FGF1: variants seen among roughly 807,000 people sequenced by gnomAD.
The protein encoded by FGF1 is fibroblast growth factor 1, also known as beta-endothelial cell growth factor.
A neutral mutation model predicts 13.4 loss-of-function variants in FGF1; 9 were observed. The observed-to-expected ratio is 0.67, with a 90% CI of 0.40 to 1.17. The LOEUF is 1.17. FGF1 is among the 50% of genes most tolerant of loss of function. FGF1 has a pLI of 0.01. For synonymous variants in FGF1, 93 were observed against 79.0 expected, an observed-to-expected ratio of 1.18 and a Z score of -0.94; for missense variants, 156 against 192.7, an observed-to-expected ratio of 0.81 and a Z score of 1.13.
intron 1 of FGF1, among the ~76,000 whole-genome samples, chr5:142,663,779 G>A (rs11747068): frequency 0.2 from 30,198 of 152,092 alleles, 3,179 homozygotes; most frequent in African/African-American, 0.26. Context: ...AAAACCATTA[G>A]CGATTTGATG....
At chr5:142,692,685 G>GCA (rs34754711) in intron 2 of FGF1, among the ~76,000 whole-genome samples, 7,019 of 145,172 alleles carry the variant, frequency 0.048, 229 homozygotes, top group South Asian at 0.1. Flanking sequence ...ACGCACACAC[G>GCA]CACACACACA....
intron 1 of FGF1, among the ~76,000 whole-genome samples, chr5:142,625,215 A>G (rs1762255089): frequency 6.6e-6 from 1 of 152,058 alleles, no homozygotes; most frequent in South Asian, 2.1e-4. Flanking sequence ...TGTAACTGGC[A>G]GGAAGTGGGG....
At chr5:142,629,455 C>T (rs369240237) in intron 1 of FGF1, among the ~76,000 whole-genome samples, 28 of 152,306 alleles carry the variant, frequency 1.8e-4, no homozygotes, top group African/African-American at 4.8e-4. Context: ...TGAGCCACTG[C>T]GCTGGGCTGC....
At chr5:142,653,225 G>A (rs1272650644) in intron 1 of FGF1, among the ~76,000 whole-genome samples, 1 of 152,118 alleles carries the variant, frequency 6.6e-6, no homozygotes, top group Non-Finnish European at 1.5e-5. Flanking sequence ...GAGCCAGCAG[G>A]GTCCTCCTCC....
At chr5:142,596,128 T>G (rs532969087) in intron 3 of FGF1, among the ~76,000 whole-genome samples, 77 of 152,358 alleles carry the variant, frequency 5.1e-4, no homozygotes, top group African/African-American at 1.8e-3. Flanking sequence ...TTTTTTAAAA[T>G]GAAAATAGCT....
chr5:142,650,705 G>T (rs977636754), intron 1 of FGF1, among the ~76,000 whole-genome samples: 1 of 151,772 alleles, frequency 6.6e-6, no homozygotes, highest in Non-Finnish European at 1.5e-5. Context: ...GTATACTGTG[G>T]TCTCATTATT....
At chr5:142,639,052 A>G (rs1764736346) in intron 1 of FGF1, among the ~76,000 whole-genome samples, 1 of 151,994 alleles carries the variant, frequency 6.6e-6, no homozygotes, top group Non-Finnish European at 1.5e-5. Context: ...AGAAAGGGAA[A>G]CCCTAATACA....
chr5:142,592,282 G>T lies in FGF1; in HGVS notation c.*3008C>A, dbSNP rs980661798. 3 of 398,462 alleles carry T rather than the reference G, an allele frequency of 7.5e-6. No homozygotes were observed. Among genetic ancestry groups the T allele is most frequent in the Admixed American group, 4.4e-5 (1 of 22,740 alleles). The allele number at this position is 398,462 out of a possible 1,614,324, so 24.7% of individuals were successfully genotyped here. On this transcript the variant is annotated 3_prime_UTR_variant, in exon 4 of 4. Transcript: ENST00000337706. Reference sequence around the variant, plus strand: ...GGCATCTTCATCAGAGGTCTGCTTTGCAGCCTGTGAGTTTAGTTGTCAGCA... The same window carrying T: ...GGCATCTTCATCAGAGGTCTGCTTTTCAGCCTGTGAGTTTAGTTGTCAGCA...
intron 1 of FGF1, among the ~76,000 whole-genome samples, chr5:142,636,767 T>C (rs1764320564): frequency 6.6e-6 from 1 of 151,898 alleles, no homozygotes; most frequent in South Asian, 2.1e-4. Flanking sequence ...GCAGAGGTCA[T>C]GAGTCCAGAA....
At chr5:142,695,971 C>T (rs1170709412) in intron 2 of FGF1, among the ~76,000 whole-genome samples, 1 of 152,098 alleles carries the variant, frequency 6.6e-6, no homozygotes, top group African/African-American at 2.4e-5. Context: ...GATGAGTTCA[C>T]AGCAGAAGAG....
chr5:142,615,961 A>G (rs1020621092), intron 1 of FGF1, among the ~76,000 whole-genome samples: 2 of 152,198 alleles, frequency 1.3e-5, no homozygotes, highest in Non-Finnish European at 2.9e-5. Context: ...GTCTCCACCA[A>G]CAGCCTCTCC....
chr5:142,660,391 G>A (rs1471505613), intron 1 of FGF1, among the ~76,000 whole-genome samples: 1 of 152,222 alleles, frequency 6.6e-6, no homozygotes, highest in Non-Finnish European at 1.5e-5. Context: ...TCAAGTTGGG[G>A]CCGCTGGTCT....
chr5:142,626,318 C>T (rs1457068625), intron 1 of FGF1, among the ~76,000 whole-genome samples: 1 of 152,172 alleles, frequency 6.6e-6, no homozygotes, highest in African/African-American at 2.4e-5. Flanking sequence ...TGAGTTCCCC[C>T]ATTTGGCAGC....
intron 1 of FGF1, among the ~76,000 whole-genome samples, chr5:142,617,869 A>G (rs570275046): frequency 6.6e-6 from 1 of 152,202 alleles, no homozygotes; most frequent in Non-Finnish European, 1.5e-5. Flanking sequence ...CCAATCCACT[A>G]TTTGTTAAAG....
At chr5:142,697,982 C>G (rs1283100558) in exon 1 of FGF1, 1 of 152,286 alleles carries the variant, frequency 6.6e-6, no homozygotes, top group Non-Finnish European at 1.5e-5. Context: ...TCATGAGGCA[C>G]TTGGGCCCCT....
upstream of FGF1, among the ~76,000 whole-genome samples, chr5:142,687,833 C>A (rs895002648): frequency 6.6e-6 from 1 of 152,206 alleles, no homozygotes; most frequent in Non-Finnish European, 1.5e-5. Context: ...TTTAGGTTAA[C>A]CCCGTGTTAA....
At chr5:142,672,795 G>A (rs192031594) in intron 1 of FGF1, among the ~76,000 whole-genome samples, 39 of 152,120 alleles carry the variant, frequency 2.6e-4, no homozygotes, top group Admixed American at 5.2e-4. Context: ...GTGAGCCACC[G>A]CCCCCTGCCT....
At chr5:142,661,201 G>C (rs1033386945) in intron 1 of FGF1, among the ~76,000 whole-genome samples, 1 of 152,176 alleles carries the variant, frequency 6.6e-6, no homozygotes, top group African/African-American at 2.4e-5. Flanking sequence ...ATCAATAGCT[G>C]CCTCACAAAC....
At position 142,631,940 on chromosome 5, in the gene FGF1, T is replaced by C. The variant is rs543008108; in HGVS notation, c.-34-17779A>G. ...CTGGGACTACAGGCGTGTGCCACCA[T>C]GCCCAGCTAATTTTCTTGTATTTTT... is the stretch of plus-strand genomic sequence containing the variant. On this transcript the variant is annotated intron_variant, in intron 1 of 3. Coordinates refer to ENST00000337706, the MANE Select transcript of FGF1 (RefSeq NM_000800.5). Among the ~76,000 whole-genome samples the C allele has an allele frequency of 2.6e-3, 389 of 152,188 alleles. 1 individual carries two copies. Among genetic ancestry groups the C allele is most frequent in the Non-Finnish European group, 4.1e-3 (278 of 68,004 alleles).
Sources: gnomAD v4.1 joint callset for allele counts (sites outside exome capture counted in the v4.1 genomes callset) on GRCh38, gnomAD v4.1.1 for gene constraint, MANE v1.5 for transcripts, NCBI Gene and HGNC (gene_info 2026-07-23, HGNC 2026-07-21) for gene names.